SAMD3: variants seen among roughly 807,000 people sequenced by gnomAD.
The protein encoded by SAMD3 is sterile alpha motif domain containing 3.
In SAMD3, 63 loss-of-function variants were observed where a neutral mutation model predicts 58.5. That is an observed-to-expected ratio of 1.08 (90% confidence interval 0.88 to 1.33). SAMD3 has a LOEUF of 1.33. Among genes scored for constraint, SAMD3 ranks in the 40% most tolerant of loss-of-function variants. The pLI is 0.00. For missense variants in SAMD3, 604 were observed against 608.4 expected (o/e 0.99, Z 0.08); for synonymous variants, 220 against 210.3 (o/e 1.05, Z -0.40).
At chr6:130,275,783 A>G (rs565320463) in intron 2 of SAMD3, among the ~76,000 whole-genome samples, 70 of 151,970 alleles carry the variant, frequency 4.6e-4, no homozygotes, top group African/African-American at 1.7e-3. Flanking sequence ...TCTTTTTATT[A>G]TTTACATTTA....
chr6:130,333,043 GC>G (rs1776985690), intron 1 of SAMD3, among the ~76,000 whole-genome samples: 1 of 110,716 alleles, frequency 9.0e-6, no homozygotes, highest in Admixed American at 1.0e-4. Context: ...AGTTGAGTAT[GC>G]GTGTGTGTGT....
chr6:130,250,499 G>C (rs1354548841), intron 2 of SAMD3, among the ~76,000 whole-genome samples: 6 of 152,110 alleles, frequency 3.9e-5, no homozygotes, highest in African/African-American at 1.4e-4. Context: ...TATATTTCCA[G>C]AGATGTGCAA....
At chr6:130,155,761 A>G (rs1301223953) in intron 8 of SAMD3, among the ~76,000 whole-genome samples, 2 of 152,230 alleles carry the variant, frequency 1.3e-5, no homozygotes, top group East Asian at 3.8e-4. Flanking sequence ...TAAGGAATCT[A>G]CAATCCTCTT....
intron 2 of SAMD3, among the ~76,000 whole-genome samples, chr6:130,271,068 T>G (rs1370178775): frequency 6.6e-6 from 1 of 152,026 alleles, no homozygotes; most frequent in African/African-American, 2.4e-5. Context: ...GGCGCCATCT[T>G]GGTTCACTGC....
chr6:130,208,263 C>T (rs992111336), intron 5 of SAMD3, among the ~76,000 whole-genome samples: 6 of 152,254 alleles, frequency 3.9e-5, no homozygotes, highest in East Asian at 3.9e-4. Context: ...CAATGAACTA[C>T]GTTTAAGGCA....
chr6:130,247,004 T>C (rs946316246), intron 2 of SAMD3, among the ~76,000 whole-genome samples: 1 of 152,208 alleles, frequency 6.6e-6, no homozygotes, highest in African/African-American at 2.4e-5. Flanking sequence ...AGAACCCAGA[T>C]TATTATTTCT....
At chr6:130,289,820 ATG>A (rs1477912192) in intron 2 of SAMD3, among the ~76,000 whole-genome samples, 1 of 152,184 alleles carries the variant, frequency 6.6e-6, no homozygotes, top group Non-Finnish European at 1.5e-5. Flanking sequence ...TTTTTAAACC[ATG>A]TAGTCAGAAG....
At chr6:130,315,853 C>G (rs1259800347) in intron 1 of SAMD3, among the ~76,000 whole-genome samples, 1 of 151,956 alleles carries the variant, frequency 6.6e-6, no homozygotes, top group Non-Finnish European at 1.5e-5. Context: ...GATGAGCTCC[C>G]CAAAGTAGGA....
intron 2 of SAMD3, chr6:130,215,802 G>C (rs1340645094): frequency 2.7e-5 from 41 of 1,534,446 alleles, no homozygotes; most frequent in Non-Finnish European, 3.6e-5. Context: ...TTAACCCCTT[G>C]CTTCTCCTGG....
At chr6:130,303,336 T>C (rs1775813551) in intron 2 of SAMD3, among the ~76,000 whole-genome samples, 1 of 152,180 alleles carries the variant, frequency 6.6e-6, no homozygotes, top group Admixed American at 6.5e-5. Flanking sequence ...ATTATTCTTC[T>C]ATGTCTGATC....
chr6:130,308,035 A>G (rs941672417), intron 2 of SAMD3, among the ~76,000 whole-genome samples: 1 of 152,156 alleles, frequency 6.6e-6, no homozygotes, highest in African/African-American at 2.4e-5. Flanking sequence ...AAGAACACCC[A>G]TCATTGGTTA....
chr6:130,293,094 T>G (rs567864021), intron 2 of SAMD3, among the ~76,000 whole-genome samples: 11 of 152,224 alleles, frequency 7.2e-5, no homozygotes, highest in Non-Finnish European at 1.5e-4. Flanking sequence ...GTATTTAAAA[T>G]TATGTTTCAA....
At chr6:130,309,551 A>G (rs2114986341) in intron 2 of SAMD3, among the ~76,000 whole-genome samples, 1 of 152,346 alleles carries the variant, frequency 6.6e-6, no homozygotes, top group East Asian at 1.9e-4. Context: ...GAGTAAAAAA[A>G]TCAGAACAAG....
chr6:130,318,715 C>CTAATAAAAT (rs1776478274), intron 1 of SAMD3, among the ~76,000 whole-genome samples: 1 of 152,176 alleles, frequency 6.6e-6, no homozygotes, highest in Non-Finnish European at 1.5e-5. Flanking sequence ...AGGCATGAGC[C>CTAATAAAAT]ACTGTGCCCA....
At chr6:130,288,941 C>T (rs1775268664) in intron 2 of SAMD3, among the ~76,000 whole-genome samples, 1 of 152,222 alleles carries the variant, frequency 6.6e-6, no homozygotes, top group African/African-American at 2.4e-5. Flanking sequence ...TTACTTTCTG[C>T]TAGCAAACAT....
At chr6:130,246,745 C>T (rs901339472) in intron 2 of SAMD3, among the ~76,000 whole-genome samples, 1 of 151,910 alleles carries the variant, frequency 6.6e-6, no homozygotes, top group East Asian at 1.9e-4. Context: ...AACAATTAGC[C>T]GGGCATGATG....
chr6:130,348,353 C>A (rs1583139963), intron 1 of SAMD3, among the ~76,000 whole-genome samples: 1 of 152,244 alleles, frequency 6.6e-6, no homozygotes, highest in Middle Eastern at 3.4e-3. Context: ...CAGAGACACA[C>A]ATAGGCTCAA....
At chr6:130,234,066 T>A (rs1796617849) in intron 2 of SAMD3, among the ~76,000 whole-genome samples, 1 of 152,232 alleles carries the variant, frequency 6.6e-6, no homozygotes. Context: ...GATTTATCAT[T>A]TATTTTTCAT....
At chr6:130,230,205 C>G in intron 2 of SAMD3, among the ~76,000 whole-genome samples, 1 of 152,092 alleles carries the variant, frequency 6.6e-6, no homozygotes, top group Non-Finnish European at 1.5e-5. Flanking sequence ...TATGTTGGAA[C>G]TCTTTGCACC....
Sources: allele counts gnomAD v4.1 joint callset (sites outside exome capture counted in the v4.1 genomes callset), GRCh38; gene constraint gnomAD v4.1.1; transcripts MANE v1.5; gene names NCBI Gene and HGNC (gene_info 2026-07-23, HGNC 2026-07-21).